Variants in PER3 observed in about 807,000 individuals in gnomAD.
PER3 encodes the protein period circadian regulator 3.
PER3 carries 107 observed loss-of-function variants against 127.2 expected under a neutral mutation model. The observed-to-expected ratio is 0.84, with a 90% confidence interval of 0.72 to 0.99. The LOEUF (loss-of-function observed/expected upper bound fraction) is 0.99. Among genes scored for constraint, PER3 ranks in the 50% least tolerant of loss-of-function variants. The pLI, the probability that PER3 is intolerant of heterozygous loss-of-function variation, is 0.00. For synonymous variants in PER3, 618 were observed against 585.8 expected (o/e 1.05, Z -0.79); for missense variants, 1,560 against 1,525.8 (o/e 1.02, Z -0.37).
intron 10 of PER3, among the ~76,000 whole-genome samples, chr1:7,806,554 G>A (rs112568333): frequency 0.14 from 21,297 of 151,842 alleles, 1,673 homozygotes; most frequent in Admixed American, 0.18. Flanking sequence ...TTGGGAGGCT[G>A]AGGCAGGAGG....
intron 6 of PER3, among the ~76,000 whole-genome samples, chr1:7,797,136 G>T (rs1031331921): frequency 1.3e-5 from 2 of 152,138 alleles, no homozygotes. Context: ...TAAAACCTTT[G>T]GACTGGATGA....
chr1:7,842,649 G>A lies in PER3; in HGVS notation c.3550-23G>A, dbSNP rs369414272. ...AGGTGACATTGACATCAAGTAACTC[G>A]CCTGCTTTGTTCTTTTTTGGAGGCC... On this transcript the variant is annotated intron_variant, in intron 21 of 21. Transcript: ENST00000377532. The A allele has an allele frequency of 2.8e-5, 45 of 1,611,342 alleles. No individual in the cohort carries two copies. The Admixed American group carries it at 3.3e-4, about 12-fold the overall frequency.
chr1:7,825,079 C>T (rs1375536200), intron 16 of PER3, among the ~76,000 whole-genome samples: 1 of 151,370 alleles, frequency 6.6e-6, no homozygotes, highest in Non-Finnish European at 1.5e-5. Context: ...AAGTTTGGTC[C>T]CTGTTACTAC....
At chr1:7,839,924 A>G (rs2097376719) in intron 21 of PER3, among the ~76,000 whole-genome samples, 1 of 151,906 alleles carries the variant, frequency 6.6e-6, no homozygotes, top group Non-Finnish European at 1.5e-5. Flanking sequence ...TTTTTCATCA[A>G]ACTTGGGGAG....
chr1:7,826,773 G>C lies in PER3; in HGVS notation c.2188+63G>C, dbSNP rs1371124830. 7 of 974,982 alleles carry C rather than the reference G, an allele frequency of 7.2e-6. No homozygotes were observed. The highest frequency in any genetic ancestry group is 1.1e-5 in the Non-Finnish European group (7 of 619,226). 60.4% of individuals were successfully genotyped at this position (974,982 alleles called of 1,614,324 possible). ...GTAAATGTTACAAACTGTATCTAAG[G>C]ACTAGGAGATAAGGAGTGAACAATA... is the stretch of plus-strand genomic sequence containing the variant. On this transcript the variant is annotated intron_variant, in intron 17 of 21. Coordinates refer to ENST00000377532, the MANE Select transcript of PER3 (RefSeq NM_001377275.1). This position sits in a 1 kb window ranked among gnomAD's most constrained non-coding sequence, Gnocchi z 4.2.
intron 21 of PER3, among the ~76,000 whole-genome samples, chr1:7,837,866 C>A (rs2097365671): frequency 6.6e-6 from 1 of 152,132 alleles, no homozygotes; most frequent in African/African-American, 2.4e-5. Flanking sequence ...GAGTTGGAGA[C>A]CACGCTGGGC....
At chr1:7,816,747 T>C (rs2097253512) in intron 13 of PER3, among the ~76,000 whole-genome samples, 1 of 152,256 alleles carries the variant, frequency 6.6e-6, no homozygotes, top group South Asian at 2.1e-4. Flanking sequence ...GTACAGCCAC[T>C]TTGGGAAAGT....
At chr1:7,800,332 C>T (rs150453493) in intron 7 of PER3, among the ~76,000 whole-genome samples, 7,331 of 151,560 alleles carry the variant, frequency 0.048, 616 homozygotes, top group East Asian at 0.27. Flanking sequence ...TTCAGCCTCC[C>T]GAGTACCTGG....
At chr1:7,787,212 A>T in intron 4 of PER3, 1 of 862,192 alleles carries the variant, frequency 1.2e-6, no homozygotes, top group Non-Finnish European at 1.4e-6. Context: ...AATACCTACT[A>T]CTTCAAGTTG....
At chr1:7,841,019 A>G (rs975070544) in intron 21 of PER3, among the ~76,000 whole-genome samples, 1 of 152,224 alleles carries the variant, frequency 6.6e-6, no homozygotes, top group Non-Finnish European at 1.5e-5. Context: ...AATGGCCTAT[A>G]CCAAGGGTGT....
rs1214041471 is a variant in PER3 at position 7,820,119 on chromosome 1, C to T, written c.1663C>T (p.Leu555=). 1.2e-6 allele frequency: 2 copies of T among 1,613,198 alleles called. No homozygotes were observed. Among genetic ancestry groups the T allele is most frequent in the African/African-American group, 1.3e-5 (1 of 74,880 alleles). Residue 555 remains leucine, a synonymous_variant, in exon 15 of 22, where the codon CTG becomes TTG. Transcript: ENST00000377532. Reference sequence around the variant, plus strand: ...GGCCTAATTATGTTGTTACAGATACCTGAAGAGCTACAACATTCCAGCTTT... The same window carrying T: ...GGCCTAATTATGTTGTTACAGATACTTGAAGAGCTACAACATTCCAGCTTT... ...INCIDSVIRY[L]KSYNIPALKR...
intron 13 of PER3, 71 bp downstream of exon 13, chr1:7,810,659 G>T: frequency 7.1e-7 from 1 of 1,418,124 alleles, no homozygotes; most frequent in South Asian, 1.4e-5. Context: ...TCATGTATGT[G>T]ATTCGTGAGC....
intron 3 of PER3, among the ~76,000 whole-genome samples, chr1:7,785,931 T>C (rs1050317365): frequency 1.3e-5 from 2 of 152,214 alleles, no homozygotes; most frequent in Non-Finnish European, 2.9e-5. Context: ...CACGAAATAG[T>C]TACCTTTACA....
intron 1 of PER3, 62 bp downstream of exon 1, chr1:7,784,438 C>G (rs2097074345): frequency 6.6e-6 from 1 of 152,630 alleles, no homozygotes; most frequent in African/African-American, 2.4e-5. Flanking sequence ...CACTCGCGCG[C>G]GGCAGAGGAG....
At chr1:7,817,250 G>A (rs1271501948) in intron 13 of PER3, among the ~76,000 whole-genome samples, 8 of 152,088 alleles carry the variant, frequency 5.3e-5, no homozygotes, top group South Asian at 4.1e-4. Flanking sequence ...ACAACTTTCC[G>A]TGCATTTGCC....
chr1:7,813,369 A>C (rs2097229984), intron 13 of PER3, among the ~76,000 whole-genome samples: 1 of 152,200 alleles, frequency 6.6e-6, no homozygotes, highest in South Asian at 2.1e-4. Flanking sequence ...GATGAAAGGC[A>C]AGTTCAAGAC....
chr1:7,785,592 C>T lies in PER3; in HGVS notation c.274+6C>T. ...CTGTGTCCACAGCGTTCAAGGTAAA[C>T]AAGCCGGAGAGAAATTTCATCCTAC... On this transcript the variant is annotated splice_donor_region_variant and intron_variant, in intron 3 of 21. Transcript: ENST00000377532. The T allele has an allele frequency of 1.2e-6, 2 of 1,607,692 alleles. No homozygotes were observed. The highest frequency in any genetic ancestry group is 8.5e-7 in the Non-Finnish European group (1 of 1,176,592).
chr1:7,824,549 T>C (rs1208356771), intron 16 of PER3, among the ~76,000 whole-genome samples: 1 of 152,228 alleles, frequency 6.6e-6, no homozygotes, highest in Non-Finnish European at 1.5e-5. Context: ...ATTTTCCTGC[T>C]TCTTTGCATG....
In PER3 at chr1:7,842,682, C is replaced by G. The variant is rs764202492; in HGVS notation, c.3560C>G (p.Thr1187Ser). 1 of 1,613,300 alleles carries G rather than the reference C, an allele frequency of 6.2e-7. No homozygotes were observed. The highest frequency in any genetic ancestry group is 2.2e-5 in the East Asian group (1 of 44,842). Residue 1187 changes from threonine to serine, a missense_variant, in exon 22 of 22, where the codon ACT becomes AGT. Thr to Ser is a moderately conservative substitution (Grantham distance 58, BLOSUM62 1). Coordinates refer to ENST00000377532, the MANE Select transcript of PER3 (RefSeq NM_001377275.1). ...TQEIDIQACV[T>S]CENEDSADGA... The stretch of plus-strand genomic sequence containing the variant: ...TGTTCTTTTTTGGAGGCCTGTGTCA[C>G]TTGTGAAAATGAAGATTCAGCTGAT...
Sources: gnomAD v4.1 joint callset for allele counts (sites outside exome capture counted in the v4.1 genomes callset) on GRCh38, gnomAD v4.1.1 for gene constraint, Gnocchi (gnomAD v3.1) non-coding constraint, MANE v1.5 for transcripts, NCBI Gene and HGNC (gene_info 2026-07-23, HGNC 2026-07-21) for gene names.